LY96: variants seen among roughly 807,000 people sequenced by gnomAD.
LY96 encodes myeloid differentiation protein-2.
In LY96, 18 loss-of-function variants were observed where a neutral mutation model predicts 18.9. That is an observed-to-expected ratio of 0.95 (90% CI 0.66 to 1.41). The LOEUF (loss-of-function observed/expected upper bound fraction) is 1.41, where lower values mean the gene tolerates loss of function less well. LY96 is among the 40% of genes most tolerant of loss of function. The probability of loss-of-function intolerance (pLI) is 0.00; values close to 1 mark genes in which losing one functional copy is unlikely to be tolerated. For synonymous variants in LY96, 66 were observed against 62.6 expected, an observed-to-expected ratio of 1.06 and a Z score of -0.26; for missense variants, 175 against 182.4, an observed-to-expected ratio of 0.96 and a Z score of 0.23.
the LY96 span, among the ~76,000 whole-genome samples, chr8:74,046,567 CACCCCCCACGCAAAAAA>C: frequency 3.3e-5 from 5 of 151,960 alleles, no homozygotes; most frequent in East Asian, 7.7e-4. Flanking sequence ...TAAATATGCC[CACCCCCCACGCAAAAAA>C]ACCCCGGACA....
intron 3 of LY96, among the ~76,000 whole-genome samples, chr8:74,020,036 T>C (rs1451243845): frequency 6.6e-6 from 1 of 152,088 alleles, no homozygotes; most frequent in African/African-American, 2.4e-5. Flanking sequence ...CTCTCACCAC[T>C]CCTACTCAAC....
At chr8:74,010,453 C>A (rs908930078) in intron 3 of LY96, among the ~76,000 whole-genome samples, 3 of 151,306 alleles carry the variant, frequency 2.0e-5, no homozygotes, top group African/African-American at 7.3e-5. Context: ...AAATTAGGAC[C>A]CTTACAGAGA....
chr8:74,063,069 T>TGG, the LY96 span, among the ~76,000 whole-genome samples: 1 of 152,198 alleles, frequency 6.6e-6, no homozygotes, highest in African/African-American at 2.4e-5. Context: ...AGATGTCAGC[T>TGG]GGGTCATCTG....
At chr8:74,032,163 C>A (rs1450581295), downstream of LY96, among the ~76,000 whole-genome samples, 1 of 152,000 alleles carries the variant, frequency 6.6e-6, no homozygotes, top group Non-Finnish European at 1.5e-5. Context: ...AACAACCAAC[C>A]AACCAAACAT....
chr8:73,996,476 G>A (rs1563708099), intron 1 of LY96, among the ~76,000 whole-genome samples: 2 of 145,508 alleles, frequency 1.4e-5, no homozygotes, highest in Non-Finnish European at 3.0e-5. Context: ...ACTGAGGCTG[G>A]AGTGCAGCAC....
the LY96 span, among the ~76,000 whole-genome samples, chr8:74,079,120 T>G: frequency 9.9e-5 from 15 of 152,210 alleles, no homozygotes; most frequent in Non-Finnish European, 8.8e-5. Flanking sequence ...TCCAATCTGT[T>G]GAAGGCCCAG....
the LY96 span, among the ~76,000 whole-genome samples, chr8:74,039,206 C>T: frequency 6.6e-6 from 1 of 152,120 alleles, no homozygotes; most frequent in South Asian, 2.1e-4. Flanking sequence ...GTCTTTTGTT[C>T]ATTTAAAAAT....
chr8:73,998,736 C>G (rs926216203), intron 1 of LY96, among the ~76,000 whole-genome samples: 3 of 152,112 alleles, frequency 2.0e-5, no homozygotes, highest in Non-Finnish European at 4.4e-5. Flanking sequence ...GAGATTGCTT[C>G]AAATCTGGAT....
downstream of LY96, among the ~76,000 whole-genome samples, chr8:74,029,842 T>C (rs1816940234): frequency 6.6e-6 from 1 of 152,150 alleles, no homozygotes; most frequent in South Asian, 2.1e-4. Context: ...GTATTTTTAG[T>C]GGAGATGGGG....
At position 74,002,093 on chromosome 8, in the gene LY96, T is replaced by TTCTTTCTTTCTTTCTTTCTTTC. The variant is rs1563710943; in HGVS notation, c.113-2700_113-2699insTTCTTTCTTTCTTTCTTTCTCT. ...TTCCTTCCTTTCTTTCTTTCTTTCT[T>TTCTTTCTTTCTTTCTTTCTTTC]TCTCTCTCTCTCTCTCTCTCTCTCT... is the stretch of plus-strand genomic sequence containing the variant. On this transcript the variant is annotated intron_variant, in intron 1 of 4. Transcript: ENST00000284818. Among the ~76,000 whole-genome samples, 15 of 38,724 alleles carry TTCTTTCTTTCTTTCTTTCTTTC rather than the reference T, an allele frequency of 3.9e-4. 1 individual carries two copies. The highest frequency in any genetic ancestry group is 5.5e-4 in the Non-Finnish European group (13 of 23,710). 25.4% of individuals were successfully genotyped at this position (38,724 alleles called of 152,430 possible).
chr8:74,006,444 C>T (rs1015638406), intron 2 of LY96, among the ~76,000 whole-genome samples: 21 of 152,116 alleles, frequency 1.4e-4, no homozygotes, highest in South Asian at 4.2e-4. Context: ...GTGATCCACC[C>T]GCCTAGGCCT....
the LY96 span, among the ~76,000 whole-genome samples, chr8:74,081,087 C>CTCTCTCTTTCTTTCTTTCTTTCTT: frequency 2.1e-5 from 2 of 93,024 alleles, no homozygotes; most frequent in South Asian, 4.0e-4. Context: ...TTCTCTTTCT[C>CTCTCTCTTTCTTTCTTTCTTTCTT]TCTTTCTTTC....
At chr8:74,000,279 A>AGATCCTTGCTGATAGT (rs573051213) in intron 1 of LY96, among the ~76,000 whole-genome samples, 37,607 of 151,766 alleles carry the variant, frequency 0.25, 4,890 homozygotes, top group Non-Finnish European at 0.3. Flanking sequence ...TACCAGATAG[A>AGATCCTTGCTGATAGT]GTAGATCCTT....
chr8:74,063,828 T>C, the LY96 span, among the ~76,000 whole-genome samples: 2 of 152,130 alleles, frequency 1.3e-5, no homozygotes, highest in Non-Finnish European at 2.9e-5. Flanking sequence ...CCAGCCACTT[T>C]TGCTGTGCTC....
chr8:74,037,047 A>G, the LY96 span, among the ~76,000 whole-genome samples: 1 of 152,186 alleles, frequency 6.6e-6, no homozygotes, highest in African/African-American at 2.4e-5. Flanking sequence ...GTTATCAGAC[A>G]TGTCCTGTTT....
At chr8:74,028,696 T>C (rs910376366) in intron 4 of LY96, among the ~76,000 whole-genome samples, 5 of 152,232 alleles carry the variant, frequency 3.3e-5, no homozygotes, top group Non-Finnish European at 7.3e-5. Flanking sequence ...TATTCTTTCA[T>C]TATTTTGTTA....
the LY96 span, among the ~76,000 whole-genome samples, chr8:74,059,947 T>C: frequency 6.6e-6 from 1 of 152,216 alleles, no homozygotes; most frequent in Non-Finnish European, 1.5e-5. Flanking sequence ...GAGACCAGCC[T>C]GGGCAACGTG....
At chr8:74,029,083 A>G (rs769124559), downstream of LY96, 6 of 1,371,026 alleles carry the variant, frequency 4.4e-6, no homozygotes. Flanking sequence ...AAAAAAATTT[A>G]AAGGTATTGT....
intron 4 of LY96, 106 bp downstream of exon 4, chr8:74,026,947 T>G: frequency 1.5e-6 from 1 of 657,584 alleles, no homozygotes; most frequent in South Asian, 1.7e-5. Flanking sequence ...TTTCTTTTTT[T>G]TTTTTAAATG....
Sources: gnomAD v4.1 joint callset for allele counts (sites outside exome capture counted in the v4.1 genomes callset) on GRCh38, gnomAD v4.1.1 for gene constraint, MANE v1.5 for transcripts, NCBI Gene and HGNC (gene_info 2026-07-23, HGNC 2026-07-21) for gene names.